Variants in ZNF804B observed in about 807,000 individuals in gnomAD.
The protein encoded by ZNF804B is zinc finger 804B.
In ZNF804B, 80 loss-of-function variants were observed where a neutral mutation model predicts 101.4. The ratio of observed to expected loss-of-function variants is 0.79; its 90% CI spans 0.66 to 0.95. The LOEUF (loss-of-function observed/expected upper bound fraction) is 0.95. ZNF804B is among the 40% of genes least tolerant of loss of function. The pLI, the probability that ZNF804B is intolerant of heterozygous loss-of-function variation, is 0.00. For missense variants in ZNF804B, 1,673 were observed against 1,561.9 expected (o/e 1.07, Z -1.20); for synonymous variants, 622 against 558.8 (o/e 1.11, Z -1.59).
intron 2 of ZNF804B, among the ~76,000 whole-genome samples, chr7:89,226,578 G>A (rs1230015834): frequency 6.6e-6 from 1 of 151,874 alleles, no homozygotes; most frequent in Non-Finnish European, 1.5e-5. Flanking sequence ...GTCTCTAAAT[G>A]TTTACTATCC....
At chr7:89,164,569 C>T (rs549879471) in intron 1 of ZNF804B, among the ~76,000 whole-genome samples, 2 of 152,076 alleles carry the variant, frequency 1.3e-5, no homozygotes, top group South Asian at 2.1e-4. Flanking sequence ...GTACAAAATC[C>T]GTGGTTTTTA....
At chr7:88,925,079 A>G (rs973761723) in intron 1 of ZNF804B, among the ~76,000 whole-genome samples, 3 of 152,088 alleles carry the variant, frequency 2.0e-5, no homozygotes, top group Non-Finnish European at 4.4e-5. Context: ...TATAGGCACT[A>G]CTCAGTATTC....
At chr7:89,041,564 C>T (rs1388542773) in intron 1 of ZNF804B, among the ~76,000 whole-genome samples, 1 of 152,150 alleles carries the variant, frequency 6.6e-6, no homozygotes, top group Admixed American at 6.5e-5. Flanking sequence ...TAAGGACTGG[C>T]CTGGCACCAA....
chr7:88,907,147 A>G (rs1792485282), intron 1 of ZNF804B, among the ~76,000 whole-genome samples: 1 of 151,964 alleles, frequency 6.6e-6, no homozygotes, highest in South Asian at 2.1e-4. Flanking sequence ...TATTTTTACT[A>G]TTAGCTGTCT....
intron 1 of ZNF804B, among the ~76,000 whole-genome samples, chr7:88,934,493 CTG>C (rs1220556558): frequency 6.6e-6 from 1 of 152,032 alleles, no homozygotes; most frequent in Non-Finnish European, 1.5e-5. Flanking sequence ...CATTCACAAA[CTG>C]TGAGTCCAAC....
intron 1 of ZNF804B, among the ~76,000 whole-genome samples, chr7:88,899,009 A>T (rs534952505): frequency 6.6e-6 from 1 of 152,306 alleles, no homozygotes; most frequent in East Asian, 1.9e-4. Context: ...TCTGAGTCTA[A>T]GAAACAATGC....
intron 1 of ZNF804B, among the ~76,000 whole-genome samples, chr7:88,958,535 T>A (rs1170177736): frequency 6.6e-6 from 1 of 151,516 alleles, no homozygotes; most frequent in African/African-American, 2.4e-5. Context: ...TGTCTTGGCA[T>A]TTGCCTTATG....
chr7:88,977,519 A>G (rs1263909285), intron 1 of ZNF804B, among the ~76,000 whole-genome samples: 1 of 151,546 alleles, frequency 6.6e-6, no homozygotes, highest in Non-Finnish European at 1.5e-5. Context: ...TAGCTTACTC[A>G]ATTTATTAGC....
intron 2 of ZNF804B, among the ~76,000 whole-genome samples, chr7:89,318,042 A>T (rs570035624): frequency 2.9e-4 from 44 of 152,362 alleles, no homozygotes; most frequent in African/African-American, 1.1e-3. Context: ...GGGATCAGTC[A>T]TCAAAGAACA....
At chr7:89,140,708 T>G (rs943461068) in intron 1 of ZNF804B, among the ~76,000 whole-genome samples, 1 of 152,124 alleles carries the variant, frequency 6.6e-6, no homozygotes, top group Non-Finnish European at 1.5e-5. Context: ...AGATTGGGCT[T>G]TTGTTTAAGG....
intron 2 of ZNF804B, among the ~76,000 whole-genome samples, chr7:89,312,797 T>C (rs1363660030): frequency 2.1e-5 from 3 of 144,092 alleles, no homozygotes; most frequent in African/African-American, 5.2e-5. Flanking sequence ...CTGGGTAACA[T>C]AGCAACACCT....
chr7:88,894,633 A>G (rs1366539247), intron 1 of ZNF804B, among the ~76,000 whole-genome samples: 1 of 152,228 alleles, frequency 6.6e-6, no homozygotes, highest in Non-Finnish European at 1.5e-5. Context: ...AAATGGATAA[A>G]CAAACTTTGG....
chr7:89,126,152 A>G (rs993800405), intron 1 of ZNF804B, among the ~76,000 whole-genome samples: 2 of 151,990 alleles, frequency 1.3e-5, no homozygotes, highest in Admixed American at 1.3e-4. Flanking sequence ...AAGAAAATGA[A>G]TTTCTTGGAG....
intron 1 of ZNF804B, among the ~76,000 whole-genome samples, chr7:89,122,087 A>G (rs957125346): frequency 6.6e-6 from 1 of 151,820 alleles, no homozygotes. Flanking sequence ...ATATTAAACT[A>G]CTTATTTATA....
In ZNF804B at chr7:88,771,434, G is replaced by A. The variant is rs553589330; in HGVS notation, c.108+11350G>A. On this transcript the variant is annotated intron_variant, in intron 1 of 3. Coordinates refer to ENST00000333190, the MANE Select transcript of ZNF804B (RefSeq NM_181646.5). Reference sequence around the variant, plus strand: ...ATGCCACGAATGTGAACAGAGAACAGTATAGGCCCTGGAAGTTTTATTTTA... The same window carrying A: ...ATGCCACGAATGTGAACAGAGAACAATATAGGCCCTGGAAGTTTTATTTTA... 4.6e-5 allele frequency among the ~76,000 whole-genome samples: 7 copies of A among 152,168 alleles called. No homozygotes were observed. The South Asian group carries it at 8.3e-4, about 18-fold the overall frequency.
chr7:88,854,398 T>TCTTTCTTTCTTCCTTCCTTC (rs1562812503), intron 1 of ZNF804B, among the ~76,000 whole-genome samples: 1 of 134,880 alleles, frequency 7.4e-6, no homozygotes. Context: ...TTTCTTTCTT[T>TCTTTCTTTCTTCCTTCCTTC]CTTTCTTTCT....
intron 1 of ZNF804B, among the ~76,000 whole-genome samples, chr7:89,140,362 C>T (rs148575425): frequency 1.2e-3 from 188 of 152,064 alleles, no homozygotes; most frequent in African/African-American, 4.2e-3. Flanking sequence ...ACAAGAGAGG[C>T]GGCCTGTCAT....
At chr7:88,773,765 G>T (rs1342162952) in intron 1 of ZNF804B, among the ~76,000 whole-genome samples, 1 of 152,014 alleles carries the variant, frequency 6.6e-6, no homozygotes, top group African/African-American at 2.4e-5. Flanking sequence ...GGTAAAGTGG[G>T]AGCCTGCATG....
intron 1 of ZNF804B, among the ~76,000 whole-genome samples, chr7:89,153,223 G>T (rs1790904585): frequency 1.3e-5 from 2 of 151,702 alleles, no homozygotes. Context: ...GAGGAAAAAT[G>T]ACTTGAGTTC....
Sources: allele counts gnomAD v4.1 joint callset (sites outside exome capture counted in the v4.1 genomes callset), GRCh38; gene constraint gnomAD v4.1.1; transcripts MANE v1.5; gene names NCBI Gene and HGNC (gene_info 2026-07-23, HGNC 2026-07-21).